RGL1: variants seen among roughly 807,000 people sequenced by gnomAD.
RGL1 encodes ral guanine nucleotide dissociation stimulator like 1.
In RGL1, 24 loss-of-function variants were observed where a neutral mutation model predicts 95.2. The observed-to-expected ratio is 0.25, with a 90% CI of 0.18 to 0.35. The LOEUF is 0.35. Among genes scored for constraint, RGL1 ranks in the 10% least tolerant of loss-of-function variants. The pLI is 1.00. For missense variants in RGL1, 715 were observed against 936.3 expected, an observed-to-expected ratio of 0.76 and a Z score of 3.08; for synonymous variants, 329 against 344.9, an observed-to-expected ratio of 0.95 and a Z score of 0.51.
At chr1:183,822,928 G>C (rs1662590262) in intron 2 of RGL1, among the ~76,000 whole-genome samples, 1 of 151,982 alleles carries the variant, frequency 6.6e-6, no homozygotes, top group Admixed American at 6.6e-5. Context: ...CTGTTGCCAG[G>C]GTCTAAAATG....
At chr1:183,922,181 T>C (rs774628910) in intron 16 of RGL1, 41 bp from the exon 17 acceptor site, 9 of 1,540,052 alleles carry the variant, frequency 5.8e-6, no homozygotes, top group Non-Finnish European at 8.1e-6. Context: ...TCAGGAAACG[T>C]GAAGCTAAGT....
chr1:183,831,250 G>A (rs1352933488), intron 2 of RGL1, among the ~76,000 whole-genome samples: 1 of 152,216 alleles, frequency 6.6e-6, no homozygotes, highest in African/African-American at 2.4e-5. Flanking sequence ...CTGAGAACAT[G>A]CTCAGGCTGA....
chr1:183,739,274 A>G (rs181228305), intron 1 of RGL1, among the ~76,000 whole-genome samples: 1 of 152,360 alleles, frequency 6.6e-6, no homozygotes, highest in Non-Finnish European at 1.5e-5. Flanking sequence ...AGGGGGCACC[A>G]TTGTGCCAGT....
In RGL1 at chr1:183,926,432, A is replaced by T; in HGVS notation, c.*140A>T. The T allele has an allele frequency of 1.6e-6, 1 of 636,758 alleles. No individual in the cohort carries two copies. The highest frequency in any genetic ancestry group is 2.6e-6 in the Non-Finnish European group (1 of 387,490). 39.4% of individuals were successfully genotyped at this position (636,758 alleles called of 1,614,324 possible). A position where few individuals can be genotyped will look rare whatever the true frequency, so the allele number is the denominator to read the frequency against. On this transcript the variant is annotated 3_prime_UTR_variant, in exon 18 of 18. Transcript: ENST00000360851. ...TTTATTGAGTTCCTGTGGTGTGCAA[A>T]GCATTATGATAGGCACCGTGGGGAA... is the stretch of plus-strand genomic sequence containing the variant.
At chr1:183,695,802 T>C (rs1246531368) in intron 1 of RGL1, among the ~76,000 whole-genome samples, 2 of 152,164 alleles carry the variant, frequency 1.3e-5, no homozygotes, top group African/African-American at 4.8e-5. Context: ...AACACAAGTA[T>C]TTGAAATCTA....
At chr1:183,682,532 C>T (rs1203955612) in intron 1 of RGL1, among the ~76,000 whole-genome samples, 1 of 152,116 alleles carries the variant, frequency 6.6e-6, no homozygotes, top group Non-Finnish European at 1.5e-5. Flanking sequence ...TTCTGAGAGA[C>T]TGTTTTTTAT....
intron 1 of RGL1, among the ~76,000 whole-genome samples, chr1:183,682,674 C>T (rs947824224): frequency 1.3e-5 from 2 of 152,154 alleles, no homozygotes; most frequent in African/African-American, 4.8e-5. Flanking sequence ...CTGTAGACGT[C>T]TATTAGATGT....
chr1:183,837,269 C>T (rs1663729222), intron 2 of RGL1, among the ~76,000 whole-genome samples: 1 of 152,126 alleles, frequency 6.6e-6, no homozygotes, highest in Non-Finnish European at 1.5e-5. Context: ...AGGCTTCATT[C>T]ACAGAGAATA....
chr1:183,913,984 C>T (rs1231493948), intron 15 of RGL1, among the ~76,000 whole-genome samples: 2 of 152,196 alleles, frequency 1.3e-5, no homozygotes, highest in African/African-American at 2.4e-5. Context: ...TTCCTCAACC[C>T]GGGATGTAGT....
Position 183,678,055 on chromosome 1 carries a change from T to A in RGL1, c.-33+41554T>A, listed in dbSNP as rs140759435. Among the ~76,000 whole-genome samples, 799 of 152,322 alleles carry A rather than the reference T, an allele frequency of 5.2e-3. 6 individuals are homozygous for A. The highest frequency in any genetic ancestry group is 0.018 in the African/African-American group (755 of 41,560). On this transcript the variant is annotated intron_variant, in intron 1 of 18. Transcript: ENST00000304685. ...AAAATATCAATTATTTCCATAAAGA[T>A]GAAACTATTAAAGCAGATGTGGATG...
intron 3 of RGL1, among the ~76,000 whole-genome samples, chr1:183,858,843 G>A (rs3010062): frequency 0.35 from 52,427 of 151,900 alleles, 9,369 homozygotes; most frequent in East Asian, 0.49. Context: ...AGCTATAGGC[G>A]AAAAAGAAAA....
intron 1 of RGL1, among the ~76,000 whole-genome samples, chr1:183,665,919 C>T (rs1024067867): frequency 6.6e-6 from 1 of 150,892 alleles, no homozygotes; most frequent in African/African-American, 2.4e-5. Context: ...TCATTTTTTT[C>T]TGCTTACTTT....
chr1:183,679,647 G>A (rs538777114), intron 1 of RGL1, among the ~76,000 whole-genome samples: 4 of 152,196 alleles, frequency 2.6e-5, no homozygotes, highest in Non-Finnish European at 4.4e-5. Context: ...CCAAGTCTTT[G>A]CTATTGTGAA....
intron 3 of RGL1, among the ~76,000 whole-genome samples, chr1:183,865,616 GCAGA>G (rs1351239031): frequency 6.6e-6 from 1 of 152,200 alleles, no homozygotes; most frequent in Non-Finnish European, 1.5e-5. Flanking sequence ...GCATAGACAT[GCAGA>G]GGGGTTGGAC....
At position 183,916,428 on chromosome 1, in the gene RGL1, GGT is replaced by G; in HGVS notation, c.1750-14_1750-13del. The stretch of plus-strand genomic sequence containing the variant: ...AGCGTTCTAATCTGTTTTCTTCTGG[GGT>G]GTGTTTACTCTTCCAGCTCTCTGAG... On this transcript the variant is annotated splice_polypyrimidine_tract_variant and intron_variant, in intron 15 of 17. Transcript: ENST00000360851. 6.2e-7 allele frequency: 1 copy of G among 1,612,448 alleles called. No individual in the cohort carries two copies. The highest frequency in any genetic ancestry group is 8.5e-7 in the Non-Finnish European group (1 of 1,178,936).
At chr1:183,922,361 T>C in intron 17 of RGL1, 25 bp downstream of exon 17, 7 of 1,567,686 alleles carry the variant, frequency 4.5e-6, no homozygotes, top group East Asian at 2.3e-5. Context: ...GAGACAGGCA[T>C]GTTCCTTCCC....
intron 2 of RGL1, among the ~76,000 whole-genome samples, chr1:183,836,819 A>G (rs746672051): frequency 6.6e-6 from 1 of 152,204 alleles, no homozygotes; most frequent in African/African-American, 2.4e-5. Flanking sequence ...ATCTGAATTT[A>G]TAAGTCCACA....
At chr1:183,849,936 T>A (rs567514632) in intron 3 of RGL1, among the ~76,000 whole-genome samples, 9 of 152,306 alleles carry the variant, frequency 5.9e-5, no homozygotes, top group African/African-American at 2.2e-4. Flanking sequence ...ATTTGAAAGA[T>A]AACTGCCAGA....
In RGL1 at chr1:183,900,194, T is replaced by A. The variant is rs1456734043; in HGVS notation, c.1275T>A (p.Thr425=). 8.1e-6 allele frequency: 13 copies of A among 1,614,022 alleles called. No individual in the cohort carries two copies. Among genetic ancestry groups the A allele is most frequent in the Non-Finnish European group, 1.1e-5 (13 of 1,179,874 alleles). The change falls in exon 11 of 18, where the codon ACT becomes ACA. Residue 425 remains threonine, a synonymous_variant. Transcript: ENST00000360851. ...TGCCCTACCTGGGCACCTTCCTGACTGACCTGACCATGCTTGACACTGCCC... is the reference window on the plus strand; with the variant it reads ...TGCCCTACCTGGGCACCTTCCTGACAGACCTGACCATGCTTGACACTGCCC... ...GTVPYLGTFL[T]DLTMLDTALQ...
Sources: gnomAD v4.1 joint callset for allele counts (sites outside exome capture counted in the v4.1 genomes callset) on GRCh38, gnomAD v4.1.1 for gene constraint, MANE v1.5 for transcripts, NCBI Gene and HGNC (gene_info 2026-07-23, HGNC 2026-07-21) for gene names.